The following AGMO variants were observed in gnomAD, a reference collection of about 807,000 sequenced individuals.
AGMO encodes glyceryl-ether monooxygenase.
A neutral mutation model predicts 60.2 loss-of-function variants in AGMO; 75 were observed. The observed-to-expected ratio is 1.25, with a 90% CI of 1.03 to 1.51. The LOEUF is 1.51. Among genes scored for constraint, AGMO ranks in the 40% most tolerant of loss-of-function variants. The pLI is 0.00. For missense variants in AGMO, 763 were observed against 525.5 expected, an observed-to-expected ratio of 1.45 and a Z score of -4.42; for synonymous variants, 261 against 177.1, an observed-to-expected ratio of 1.47 and a Z score of -3.76.
chr7:15,391,367 G>GT (rs1385414919), intron 6 of AGMO, among the ~76,000 whole-genome samples: 2 of 151,830 alleles, frequency 1.3e-5, no homozygotes, highest in Non-Finnish European at 1.5e-5. Flanking sequence ...GACCTGACTA[G>GT]TTTTTTTAAG....
chr7:15,219,749 G>A (rs901227393), intron 12 of AGMO, among the ~76,000 whole-genome samples: 2 of 152,102 alleles, frequency 1.3e-5, no homozygotes, highest in Admixed American at 1.3e-4. Flanking sequence ...AGTGGCCAGA[G>A]GGAAAGTAGT....
chr7:15,183,745 C>T, the AGMO span, among the ~76,000 whole-genome samples: 2 of 152,198 alleles, frequency 1.3e-5, no homozygotes, highest in African/African-American at 2.4e-5. Context: ...TCTGTAGCAT[C>T]TATCACCTTT....
chr7:15,273,119 C>A (rs1338130104), intron 12 of AGMO, among the ~76,000 whole-genome samples: 1 of 152,154 alleles, frequency 6.6e-6, no homozygotes, highest in African/African-American at 2.4e-5. Context: ...TGTGCAGAAG[C>A]TCTTTAGTTT....
intron 5 of AGMO, among the ~76,000 whole-genome samples, chr7:15,398,437 C>G (rs1306268475): frequency 6.6e-6 from 1 of 152,242 alleles, no homozygotes; most frequent in Non-Finnish European, 1.5e-5. Context: ...CTATGAGTAC[C>G]TTGGAGCTGG....
chr7:15,148,945 A>G, the AGMO span, among the ~76,000 whole-genome samples: 4 of 152,034 alleles, frequency 2.6e-5, no homozygotes, highest in African/African-American at 9.7e-5. Flanking sequence ...ATATATAAAC[A>G]TTCCCTTTTC....
At chr7:15,418,770 GTATATTT>G in intron 4 of AGMO, 117 bp from the exon 5 acceptor site, 1 of 625,206 alleles carries the variant, frequency 1.6e-6, no homozygotes, top group Non-Finnish European at 2.7e-6. Context: ...ACTATATACT[GTATATTT>G]TATTGCCATG....
intron 5 of AGMO, among the ~76,000 whole-genome samples, chr7:15,400,989 A>C (rs1354852738): frequency 6.6e-6 from 1 of 152,126 alleles, no homozygotes; most frequent in Non-Finnish European, 1.5e-5. Flanking sequence ...TAAAAGGTTA[A>C]TGAAACTCCC....
chr7:15,435,740 T>C (rs1440047083), intron 3 of AGMO, among the ~76,000 whole-genome samples: 1 of 152,234 alleles, frequency 6.6e-6, no homozygotes, highest in Non-Finnish European at 1.5e-5. Flanking sequence ...GATGATTTTA[T>C]TTAGTTTTCT....
intron 12 of AGMO, among the ~76,000 whole-genome samples, chr7:15,266,594 C>T (rs533792187): frequency 1.1e-4 from 17 of 151,930 alleles, no homozygotes; most frequent in Admixed American, 2.0e-4. Context: ...CAGCTGCTTT[C>T]TCGGGTGCCC....
rs78467820 is a variant in AGMO at position 15,544,854 on chromosome 7, C to T, written c.327G>A (p.Leu109=). The stretch of plus-strand genomic sequence containing the variant: ...ACCAAGTCCATGGAGAATCCCAAGG[C>T]AAATTGAACAGCCTGTAGTTCTCCC... ...YIWENYRLFN[L]PWDSPWTWYS... The change falls in exon 3 of 13, where the codon TTG becomes TTA. Residue 109 remains leucine (L), a synonymous_variant. Coordinates refer to ENST00000342526, the MANE Select transcript of AGMO (RefSeq NM_001004320.2). 2 of 1,608,578 alleles carry T rather than the reference C, an allele frequency of 1.2e-6. No individual in the cohort carries two copies. The highest frequency in any genetic ancestry group is 1.7e-6 in the Non-Finnish European group (2 of 1,176,992).
intron 3 of AGMO, among the ~76,000 whole-genome samples, chr7:15,538,094 G>C (rs1294579075): frequency 6.6e-6 from 1 of 152,086 alleles, no homozygotes. Context: ...TTCTCTCGTA[G>C]AGGTGCTAAA....
chr7:15,177,900 TC>T, the AGMO span, among the ~76,000 whole-genome samples: 1 of 152,174 alleles, frequency 6.6e-6, no homozygotes, highest in African/African-American at 2.4e-5. Flanking sequence ...CTTTTATGAC[TC>T]CGATGTCCAC....
chr7:15,552,897 G>T (rs371356632), intron 2 of AGMO, among the ~76,000 whole-genome samples: 11 of 149,824 alleles, frequency 7.3e-5, no homozygotes, highest in Admixed American at 7.3e-4. Flanking sequence ...CATTATTCAC[G>T]ATAGCAAAGA....
intron 12 of AGMO, among the ~76,000 whole-genome samples, chr7:15,222,405 T>C (rs925516459): frequency 1.3e-5 from 2 of 152,040 alleles, no homozygotes; most frequent in African/African-American, 2.4e-5. Context: ...ATAAAACTGA[T>C]AGAAAAAGAA....
chr7:15,389,648 G>A (rs536977167), intron 8 of AGMO, among the ~76,000 whole-genome samples: 136 of 152,276 alleles, frequency 8.9e-4, no homozygotes, highest in African/African-American at 3.1e-3. Context: ...GTTAAATTGA[G>A]TTAAGCAAAT....
chr7:15,318,578 T>A (rs1293294871), intron 12 of AGMO, among the ~76,000 whole-genome samples: 1 of 152,158 alleles, frequency 6.6e-6, no homozygotes, highest in African/African-American at 2.4e-5. Context: ...ATATAGAAAT[T>A]AAATATTATG....
chr7:15,284,113 C>T (rs950022271), intron 12 of AGMO, among the ~76,000 whole-genome samples: 3 of 151,822 alleles, frequency 2.0e-5, no homozygotes, highest in East Asian at 1.9e-4. Context: ...GTGCTAAATG[C>T]CTCCATCAAA....
chr7:15,298,954 C>T (rs997218322), intron 12 of AGMO, among the ~76,000 whole-genome samples: 6 of 152,142 alleles, frequency 3.9e-5, no homozygotes, highest in African/African-American at 1.4e-4. Context: ...CGTGATATTT[C>T]ACACCTCATG....
the AGMO span, among the ~76,000 whole-genome samples, chr7:15,177,214 T>C: frequency 1.3e-5 from 2 of 152,102 alleles, no homozygotes; most frequent in African/African-American, 4.8e-5. Flanking sequence ...ATGAAGTCTT[T>C]GCATTTGAAA....
Sources: allele counts gnomAD v4.1 joint callset (sites outside exome capture counted in the v4.1 genomes callset), GRCh38; gene constraint gnomAD v4.1.1; transcripts MANE v1.5; gene names NCBI Gene and HGNC (gene_info 2026-07-23, HGNC 2026-07-21).